DYNLRB2: variants seen among roughly 807,000 people sequenced by gnomAD.
DYNLRB2 encodes bithoraxoid-like protein.
DYNLRB2 carries 14 observed loss-of-function variants against 12.6 expected under a neutral mutation model. The ratio of observed to expected loss-of-function variants is 1.11; its 90% CI spans 0.73 to 1.73. DYNLRB2 has a LOEUF of 1.73. Among genes scored for constraint, DYNLRB2 ranks in the 40% most tolerant of loss-of-function variants. DYNLRB2 has a pLI of 0.00. For missense variants in DYNLRB2, 142 were observed against 117.7 expected (o/e 1.21, Z -0.95); for synonymous variants, 53 against 37.0 (o/e 1.43, Z -1.57).
intron 2 of DYNLRB2, 66 bp downstream of exon 2, chr16:80,543,417 G>C (rs1328448323): frequency 6.6e-7 from 1 of 1,505,708 alleles, no homozygotes; most frequent in African/African-American, 1.4e-5. Flanking sequence ...TGCCGTGTTA[G>C]TCCTTAAGAC....
intron 1 of DYNLRB2, among the ~76,000 whole-genome samples, chr16:80,542,361 C>G (rs895392660): frequency 3.3e-5 from 5 of 152,218 alleles, no homozygotes; most frequent in Middle Eastern, 3.4e-3. Context: ...TGCCTAAAGT[C>G]AAGAAAACCT....
chr16:80,542,060 G>A (rs1904293073), intron 1 of DYNLRB2, among the ~76,000 whole-genome samples: 1 of 152,096 alleles, frequency 6.6e-6, no homozygotes, highest in Admixed American at 6.6e-5. Context: ...TAATACCACT[G>A]TCATTTGGAA....
At chr16:80,549,220 C>A in intron 2 of DYNLRB2, 1 of 387,870 alleles carries the variant, frequency 2.6e-6, no homozygotes, top group Non-Finnish European at 4.8e-6. Flanking sequence ...ATGACATTGT[C>A]AACAAGGACA....
intron 2 of DYNLRB2, among the ~76,000 whole-genome samples, chr16:80,545,212 C>T (rs1338100935): frequency 6.6e-6 from 1 of 152,088 alleles, no homozygotes; most frequent in Non-Finnish European, 1.5e-5. Context: ...AATTTTACTC[C>T]TAGCAATTTA....
chr16:80,548,473 A>G (rs1904618985), intron 2 of DYNLRB2, among the ~76,000 whole-genome samples: 1 of 152,136 alleles, frequency 6.6e-6, no homozygotes, highest in Non-Finnish European at 1.5e-5. Flanking sequence ...ACGCCTGTAA[A>G]CCCAGCACTG....
chr16:80,545,277 A>G (rs1353468380), intron 2 of DYNLRB2, among the ~76,000 whole-genome samples: 2 of 152,232 alleles, frequency 1.3e-5, no homozygotes, highest in Non-Finnish European at 2.9e-5. Context: ...CTGAGGCATC[A>G]TATATAATAG....
chr16:80,540,922 C>G (rs1909283335), upstream of DYNLRB2: 1 of 1,393,312 alleles, frequency 7.2e-7, no homozygotes, highest in Non-Finnish European at 1.0e-6. Flanking sequence ...GGAGCGCGGT[C>G]AGGGCGAAAA....
At chr16:80,541,398 A>G (rs1406663718) in intron 1 of DYNLRB2, 2 of 984,528 alleles carry the variant, frequency 2.0e-6, no homozygotes, top group Non-Finnish European at 2.4e-6. Flanking sequence ...GAGCCAGGAA[A>G]GTTTCCAAAG....
chr16:80,542,043 A>G (rs1457936559), intron 1 of DYNLRB2, among the ~76,000 whole-genome samples: 1 of 152,218 alleles, frequency 6.6e-6, no homozygotes, highest in Non-Finnish European at 1.5e-5. Context: ...TGTTGCTATT[A>G]GGTCCTTAAT....
Position 80,543,328 on chromosome 16 carries a change from G to C in DYNLRB2, c.56G>C (p.Gly19Ala), listed in dbSNP as rs1315024516. Residue 19 changes from glycine (G) to alanine (A), a missense_variant, in exon 2 of 4, where the codon GGA becomes GCA. Gly to Ala is a moderately conservative substitution (Grantham distance 60). Coordinates refer to ENST00000305904, the MANE Select transcript of DYNLRB2 (RefSeq NM_130897.3). ...KRIQSHKGVIGTMVVNAEGIP... is the reference protein window; with the variant it reads ...KRIQSHKGVIATMVVNAEGIP... ...ATCCAGAGTCATAAAGGGGTTATTG[G>C]AACTATGGTTGTAAATGCAGAAGGT... 1.2e-6 allele frequency: 2 copies of C among 1,613,860 alleles called. No homozygotes were observed. Among genetic ancestry groups the C allele is most frequent in the African/African-American group, 2.7e-5 (2 of 74,902 alleles).
chr16:80,542,931 T>A (rs1904301731), intron 1 of DYNLRB2, among the ~76,000 whole-genome samples: 2 of 152,210 alleles, frequency 1.3e-5, no homozygotes, highest in African/African-American at 2.4e-5. Context: ...GCAGGGTCAA[T>A]GAATGAAAGA....
intron 2 of DYNLRB2, among the ~76,000 whole-genome samples, chr16:80,543,639 A>G (rs1240682788): frequency 6.6e-6 from 1 of 152,196 alleles, no homozygotes; most frequent in Non-Finnish European, 1.5e-5. Context: ...TTCTCTTCCA[A>G]CATTTCAGAA....
chr16:80,549,350 A>G (rs1904689175), intron 2 of DYNLRB2, 134 bp from the exon 3 acceptor site: 2 of 889,596 alleles, frequency 2.2e-6, no homozygotes, highest in Non-Finnish European at 3.2e-6. Context: ...ATAAACTAAA[A>G]TTGTTACCAG....
chr16:80,550,503 A>G lies in DYNLRB2; in HGVS notation c.248-12A>G, dbSNP rs775558554. On this transcript the variant is annotated splice_polypyrimidine_tract_variant and intron_variant, in intron 3 of 3. Coordinates refer to ENST00000305904, the MANE Select transcript of DYNLRB2 (RefSeq NM_130897.3). ...AATTAAGGGTGAATTGATTTTATCC[A>G]TCTCTCCATAGATAAGGAATATCTT... 6 of 1,614,072 alleles carry G rather than the reference A, an allele frequency of 3.7e-6. No homozygotes were observed. In the South Asian group the frequency reaches 6.6e-5, roughly 18 times the overall value.
chr16:80,541,239 C>T, intron 1 of DYNLRB2, 160 bp downstream of exon 1: 3 of 962,838 alleles, frequency 3.1e-6, no homozygotes, highest in Non-Finnish European at 3.7e-6. Context: ...AGAGGGAGAC[C>T]TTGGAAAGGG....
chr16:80,548,595 T>TCTAATCTCAGCTACTCGGTGGGTG (rs1904628607), intron 2 of DYNLRB2, among the ~76,000 whole-genome samples: 4 of 151,808 alleles, frequency 2.6e-5, no homozygotes, highest in Non-Finnish European at 5.9e-5. Context: ...GGTGGTGGGT[T>TCTAATCTCAGCTACTCGGTGGGTG]CCTCTAATCT....
Position 80,543,335 on chromosome 16 carries a change from G to A in DYNLRB2, c.63G>A (p.Met21Ile), listed in dbSNP as rs200686705. 4 of 1,613,986 alleles carry A rather than the reference G, an allele frequency of 2.5e-6. No homozygotes were observed. Among genetic ancestry groups the A allele is most frequent in the South Asian group, 2.2e-5 (2 of 91,060 alleles). ...GTCATAAAGGGGTTATTGGAACTATGGTTGTAAATGCAGAAGGTAAATATA... is the reference window on the plus strand; with the variant it reads ...GTCATAAAGGGGTTATTGGAACTATAGTTGTAAATGCAGAAGGTAAATATA... ...IQSHKGVIGT[M>I]VVNAEGIPIR... Residue 21 changes from methionine (M) to isoleucine (I), a missense_variant, in exon 2 of 4, where the codon ATG becomes ATA. By Grantham distance (10) the Met-to-Ile change is conservative. Coordinates refer to ENST00000305904, the MANE Select transcript of DYNLRB2 (RefSeq NM_130897.3).
In DYNLRB2 at chr16:80,541,194, G is replaced by A. The variant is rs1597086301; in HGVS notation, c.3+115G>A. ...CACGGGCGGTCCAGGGGCCGCGGCG[G>A]AGGCTGGTGGCTCCAGGATCTTCCT... On this transcript the variant is annotated intron_variant, in intron 1 of 3. Transcript: ENST00000305904. 6 of 1,462,538 alleles carry A rather than the reference G, an allele frequency of 4.1e-6. No homozygotes were observed. The East Asian group carries it at 1.5e-4, about 36-fold the overall frequency. The allele number at this position is 1,462,538 out of a possible 1,614,324, so 90.6% of individuals were successfully genotyped here. A position where few individuals can be genotyped will look rare whatever the true frequency, so the allele number is the denominator to read the frequency against.
Position 80,550,564 on chromosome 16 carries a change from C to T in DYNLRB2, c.*6C>T, listed in dbSNP as rs758395832. On this transcript the variant is annotated 3_prime_UTR_variant, in exon 4 of 4. Coordinates refer to ENST00000305904, the MANE Select transcript of DYNLRB2 (RefSeq NM_130897.3). The stretch of plus-strand genomic sequence containing the variant: ...TTCAGAATCCATGTGAATAGACCTG[C>T]GATGGCCAAGGCTGTTTAAGCGACA... The T allele has an allele frequency of 1.4e-5, 22 of 1,613,986 alleles. No individual in the cohort carries two copies. Among genetic ancestry groups the T allele is most frequent in the African/African-American group, 4.0e-5 (3 of 74,906 alleles).
Sources: allele counts gnomAD v4.1 joint callset (sites outside exome capture counted in the v4.1 genomes callset), GRCh38; gene constraint gnomAD v4.1.1; transcripts MANE v1.5; gene names NCBI Gene and HGNC (gene_info 2026-07-23, HGNC 2026-07-21).